FAT4: variants seen among roughly 807,000 people sequenced by gnomAD.
FAT4 encodes protocadherin Fat 4.
FAT4 carries 84 observed loss-of-function variants against 303.9 expected under a neutral mutation model. The ratio of observed to expected loss-of-function variants is 0.28; its 90% CI spans 0.23 to 0.33. The LOEUF (loss-of-function observed/expected upper bound fraction) is 0.33. Ranked by LOEUF, FAT4 falls within the 10% of genes least tolerant of loss-of-function variation. FAT4 has a pLI of 1.00. For missense variants in FAT4, 6,005 were observed against 6,146.8 expected (o/e 0.98, Z 0.77); for synonymous variants, 2,307 against 2,298.8 (o/e 1.00, Z -0.10).
chr4:125,319,547 A>G lies in FAT4; in HGVS notation c.3136A>G (p.Ile1046Val), dbSNP rs1467740773. ...AGGAAATACAGGGGATGCTTTTGGC[A>G]TATTCCCAGATGGTCAATTGTATAT... Reference protein sequence around the residue: ...AEGNTGDAFGIFPDGQLYIKS... With the variant: ...AEGNTGDAFGVFPDGQLYIKS... Residue 1046 changes from isoleucine to valine, a missense_variant, in exon 2 of 18, where the codon ATA (isoleucine) becomes GTA (valine). By Grantham distance (29) the Ile-to-Val change is conservative. Coordinates refer to ENST00000394329, the MANE Select transcript of FAT4 (RefSeq NM_001291303.3). 34 of 1,614,098 alleles carry G rather than the reference A, an allele frequency of 2.1e-5. No homozygotes were observed. Among genetic ancestry groups the G allele is most frequent in the Middle Eastern group, 1.6e-4 (1 of 6,084 alleles).
Position 125,478,140 on chromosome 4 carries a change from G to A in FAT4, c.12479+806G>A, listed in dbSNP as rs139657003. Among the ~76,000 whole-genome samples, 1,262 of 152,256 alleles carry A rather than the reference G, an allele frequency of 8.3e-3. 18 individuals carry two copies. The highest frequency in any genetic ancestry group is 0.029 in the African/African-American group (1,214 of 41,554). The stretch of plus-strand genomic sequence containing the variant: ...TTTGCTCACATTATTTTTTGGATGA[G>A]ATTACCAGAAATAAAACTATTAAAG... On this transcript the variant is annotated intron_variant, in intron 14 of 17. Coordinates refer to ENST00000394329, the MANE Select transcript of FAT4 (RefSeq NM_001291303.3).
In FAT4 at chr4:125,491,059, C is replaced by A; in HGVS notation, c.14243C>A (p.Ala4748Asp). ...DTCQPGIFNY[A>D]TRLGRRSKSP... is the part of the protein sequence containing the mutation. ...TGCCAACCTGGCATTTTCAACTATG[C>A]CACAAGGCTGGGAAGGAGAAGCAAG... is the stretch of plus-strand genomic sequence containing the variant. The change falls in exon 18 of 18, where the codon GCC (alanine) becomes GAC (aspartate). Residue 4748 changes from alanine to aspartate, a missense_variant. Coordinates refer to ENST00000394329, the MANE Select transcript of FAT4 (RefSeq NM_001291303.3). The A allele has an allele frequency of 6.2e-7, 1 of 1,614,174 alleles. No homozygotes were observed. The highest frequency in any genetic ancestry group is 8.5e-7 in the Non-Finnish European group (1 of 1,180,034).
chr4:125,488,836 A>G (rs941812356), intron 17 of FAT4, among the ~76,000 whole-genome samples: 3 of 152,176 alleles, frequency 2.0e-5, no homozygotes, highest in African/African-American at 7.2e-5. Context: ...ATCACCTAAC[A>G]TGAGGGCGTA....
intron 7 of FAT4, among the ~76,000 whole-genome samples, chr4:125,432,841 A>G (rs1444776177): frequency 2.6e-5 from 4 of 152,156 alleles, no homozygotes; most frequent in Non-Finnish European, 4.4e-5. Flanking sequence ...ATATGGCAAC[A>G]ATGATCAGTG....
At chr4:125,422,223 A>T (rs1012021053) in intron 7 of FAT4, among the ~76,000 whole-genome samples, 20 of 152,362 alleles carry the variant, frequency 1.3e-4, no homozygotes, top group Non-Finnish European at 2.2e-4. Context: ...TGCCTAGAAG[A>T]TGATAATATT....
intron 2 of FAT4, among the ~76,000 whole-genome samples, chr4:125,353,997 G>A (rs17009511): frequency 0.06 from 9,141 of 151,672 alleles, 410 homozygotes; most frequent in East Asian, 0.19. Flanking sequence ...GTTATTCAGC[G>A]AATCTTGCAA....
rs1457350696 is a variant in FAT4 at position 125,452,613 on chromosome 4, G to T, written c.11603G>T (p.Cys3868Phe). The T allele has an allele frequency of 6.2e-7, 1 of 1,614,100 alleles. No individual in the cohort carries two copies. The highest frequency in any genetic ancestry group is 8.5e-7 in the Non-Finnish European group (1 of 1,180,018). Residue 3868 changes from cysteine (C) to phenylalanine (F), a missense_variant, in exon 10 of 18, where the codon TGT becomes TTT. Coordinates refer to ENST00000394329, the MANE Select transcript of FAT4 (RefSeq NM_001291303.3). Reference protein sequence around the residue: ...GSWCEIDIDECLPSPCHSGGT... With the variant: ...GSWCEIDIDEFLPSPCHSGGT... ...TGGTGTGAAATAGATATAGATGAAT[G>T]TCTTCCATCACCTTGCCACAGTGGT...
chr4:125,454,382 G>C lies in FAT4; in HGVS notation c.11800+1572G>C, dbSNP rs1410478173. ...GAAGAAAAAGTGGCAGAAAACATGT[G>C]TAATAGAAAAAGTGATAGATTTCAC... On this transcript the variant is annotated intron_variant, in intron 10 of 17. Transcript: ENST00000394329. Among the ~76,000 whole-genome samples the C allele has an allele frequency of 2.6e-5, 4 of 152,178 alleles. No homozygotes were observed. The South Asian group carries it at 6.2e-4, about 24-fold the overall frequency.
At chr4:125,406,761 A>T in intron 3 of FAT4, 119 bp from the exon 4 acceptor site, 1 of 1,087,348 alleles carries the variant, frequency 9.2e-7, no homozygotes, top group Non-Finnish European at 1.3e-6. Flanking sequence ...TAAGTCTTAT[A>T]ATATCATATG....
intron 2 of FAT4, among the ~76,000 whole-genome samples, chr4:125,395,970 CAGAG>C (rs1206249086): frequency 2.0e-5 from 3 of 152,054 alleles, no homozygotes; most frequent in Non-Finnish European, 4.4e-5. Context: ...AAAATTTTGA[CAGAG>C]AGAGATTGAT....
At chr4:125,442,357 A>C (rs1416878732) in intron 8 of FAT4, among the ~76,000 whole-genome samples, 1 of 152,094 alleles carries the variant, frequency 6.6e-6, no homozygotes, top group Non-Finnish European at 1.5e-5. Flanking sequence ...CATAAACTTG[A>C]AACCAGGATT....
At chr4:125,417,894 T>C (rs1414829869) in intron 7 of FAT4, among the ~76,000 whole-genome samples, 1 of 152,188 alleles carries the variant, frequency 6.6e-6, no homozygotes, top group Non-Finnish European at 1.5e-5. Flanking sequence ...TTATGAGTGA[T>C]ACAGAAAACA....
chr4:125,317,612 G>A lies in FAT4; in HGVS notation c.1201G>A (p.Gly401Ser), dbSNP rs2125939852. ...GAACATCTCCGTGCAAATTCTCGGG[G>A]GCAATGAGCAGCGCCACTTTGAAGT... ...NGNISVQILG[G>S]NEQRHFEVQS... The change falls in exon 2 of 18, where the codon GGC (glycine) becomes AGC (serine). Residue 401 changes from glycine (G) to serine (S), a missense_variant. Transcript: ENST00000394329. This position sits in a 1 kb window ranked among gnomAD's most constrained non-coding sequence, Gnocchi z 7.0. 6.2e-7 allele frequency: 1 copy of A among 1,613,968 alleles called. No individual in the cohort carries two copies.
chr4:125,361,368 G>A (rs1578559211), intron 2 of FAT4, among the ~76,000 whole-genome samples: 1 of 152,118 alleles, frequency 6.6e-6, no homozygotes, highest in African/African-American at 2.4e-5. Flanking sequence ...TTGTTAATCC[G>A]GAAGGCACAG....
chr4:125,440,984 A>T (rs186117735), intron 8 of FAT4, among the ~76,000 whole-genome samples: 3 of 152,294 alleles, frequency 2.0e-5, no homozygotes, highest in East Asian at 1.9e-4. Flanking sequence ...TTTTCAGTGC[A>T]TCCCTTCTGC....
chr4:125,489,231 A>G (rs1391031319), intron 17 of FAT4, among the ~76,000 whole-genome samples: 1 of 152,216 alleles, frequency 6.6e-6, no homozygotes, highest in East Asian at 1.9e-4. Flanking sequence ...CACTGTTAAC[A>G]CACTCAAGTG....
intron 3 of FAT4, among the ~76,000 whole-genome samples, chr4:125,399,198 G>A (rs948069754): frequency 4.6e-5 from 7 of 151,926 alleles, no homozygotes; most frequent in Admixed American, 1.3e-4. Flanking sequence ...AATATCTAAA[G>A]AGGTATCTCT....
At chr4:125,352,362 C>T (rs1216935474) in intron 2 of FAT4, among the ~76,000 whole-genome samples, 1 of 151,438 alleles carries the variant, frequency 6.6e-6, no homozygotes, top group African/African-American at 2.4e-5. Flanking sequence ...CAGTATAGCT[C>T]CAAGTGTAAC....
intron 2 of FAT4, among the ~76,000 whole-genome samples, chr4:125,357,613 T>C (rs531289235): frequency 6.6e-6 from 1 of 152,312 alleles, no homozygotes; most frequent in East Asian, 1.9e-4. Context: ...AACTGCTCAT[T>C]CTTATGGATT....
Sources: gnomAD v4.1 joint callset for allele counts (sites outside exome capture counted in the v4.1 genomes callset) on GRCh38, gnomAD v4.1.1 for gene constraint, Gnocchi (gnomAD v3.1) non-coding constraint, MANE v1.5 for transcripts, NCBI Gene and HGNC (gene_info 2026-07-23, HGNC 2026-07-21) for gene names.